Variants in GSDMC observed in about 807,000 individuals in gnomAD.
GSDMC encodes gasdermin-C.
In GSDMC, 59 loss-of-function variants were observed where a neutral mutation model predicts 58.0. The observed-to-expected ratio is 1.02, with a 90% CI of 0.82 to 1.26. The LOEUF (loss-of-function observed/expected upper bound fraction) is 1.26, where lower values mean the gene tolerates loss of function less well. Among genes scored for constraint, GSDMC ranks in the 50% most tolerant of loss-of-function variants. The pLI is 0.00. For missense variants in GSDMC, 659 were observed against 598.5 expected (o/e 1.10, Z -1.06); for synonymous variants, 241 against 220.2 (o/e 1.09, Z -0.83).
At chr8:129,718,559 T>C in the GSDMC span, among the ~76,000 whole-genome samples, 1 of 152,124 alleles carries the variant, frequency 6.6e-6, no homozygotes, top group African/African-American at 2.4e-5. Flanking sequence ...TGTGGAGAAA[T>C]TGTAACGCTT....
intron 5 of GSDMC, 89 bp from the exon 6 acceptor site, chr8:129,760,678 G>A: frequency 3.3e-6 from 2 of 605,356 alleles, no homozygotes; most frequent in South Asian, 2.1e-5. Flanking sequence ...CAAAACCACT[G>A]GGATGCCTGT....
the GSDMC span, among the ~76,000 whole-genome samples, chr8:129,715,311 A>G: frequency 6.6e-6 from 1 of 152,144 alleles, no homozygotes; most frequent in Non-Finnish European, 1.5e-5. Flanking sequence ...AACACTCCAA[A>G]AAATCTGTTT....
At chr8:129,757,594 CA>C (rs141888209) in intron 6 of GSDMC, among the ~76,000 whole-genome samples, 67 of 148,900 alleles carry the variant, frequency 4.5e-4, no homozygotes, top group Non-Finnish European at 8.8e-4. Context: ...TAAGATACAT[CA>C]AAAAAAAAGA....
intron 3 of GSDMC, among the ~76,000 whole-genome samples, chr8:129,771,788 G>A (rs954372714): frequency 1.3e-5 from 2 of 151,990 alleles, no homozygotes; most frequent in Admixed American, 1.3e-4. Context: ...CAACCAGTGG[G>A]TCAAAGAAGA....
intron 1 of GSDMC, among the ~76,000 whole-genome samples, chr8:129,783,924 C>T (rs2034486022): frequency 1.3e-5 from 2 of 152,036 alleles, no homozygotes; most frequent in Admixed American, 6.6e-5. Context: ...ATCGAGAACC[C>T]AGAAACAAAT....
rs557536433 is a variant in GSDMC at position 129,748,264 on chromosome 8, C to A, written c.*237G>T. On this transcript the variant is annotated 3_prime_UTR_variant, in exon 14 of 14. Coordinates refer to ENST00000276708, the MANE Select transcript of GSDMC (RefSeq NM_031415.3). ...CATAGTGAAACGCTTACGTCTTTAA[C>A]ATACTATTTGAGGAGTTTTGACAAA... The A allele has an allele frequency of 2.8e-6, 1 of 361,884 alleles. No homozygotes were observed. Among genetic ancestry groups the A allele is most frequent in the African/African-American group, 2.1e-5 (1 of 47,890 alleles). The allele number at this position is 361,884 out of a possible 1,614,324, so 22.4% of individuals were successfully genotyped here.
In GSDMC at chr8:129,762,848, C is replaced by A. The variant is rs2033720440; in HGVS notation, c.571-117G>T. ...TTCCCTGCTCTCATCCTCCCTACTG[C>A]TGACTTCTGATTTCCAATCACTGCT... On this transcript the variant is annotated intron_variant, in intron 4 of 13. Coordinates refer to ENST00000276708, the MANE Select transcript of GSDMC (RefSeq NM_031415.3). The A allele has an allele frequency of 5.1e-5, 33 of 640,880 alleles. No individual in the cohort carries two copies. In the South Asian group the frequency reaches 6.8e-4, roughly 13 times the overall value. 39.7% of individuals were successfully genotyped at this position (640,880 alleles called of 1,614,324 possible).
chr8:129,775,275 A>T (rs1215052525), intron 3 of GSDMC, among the ~76,000 whole-genome samples: 1 of 152,222 alleles, frequency 6.6e-6, no homozygotes, highest in Non-Finnish European at 1.5e-5. Flanking sequence ...ACATGGATAA[A>T]CCTTGATGGC....
chr8:129,775,446 A>C lies in GSDMC; in HGVS notation c.404+656T>G, dbSNP rs370539215. On this transcript the variant is annotated intron_variant, in intron 3 of 13. Transcript: ENST00000276708. Reference sequence around the variant, plus strand: ...GGCACATTGGTCAAAGGCAACACAGACTATAATTAACAATACTACATTGTG... The same window carrying C: ...GGCACATTGGTCAAAGGCAACACAGCCTATAATTAACAATACTACATTGTG... 4.6e-5 allele frequency among the ~76,000 whole-genome samples: 7 copies of C among 152,328 alleles called. No homozygotes were observed. In the South Asian group the frequency reaches 1.4e-3, roughly 32 times the overall value.
downstream of GSDMC, among the ~76,000 whole-genome samples, chr8:129,747,963 C>A (rs115721990): frequency 6.6e-6 from 1 of 151,942 alleles, no homozygotes; most frequent in African/African-American, 2.4e-5. Flanking sequence ...CACACACACA[C>A]GTGGGGGCTA....
intron 1 of GSDMC, among the ~76,000 whole-genome samples, chr8:129,779,291 A>AG (rs2130569288): frequency 6.6e-6 from 1 of 152,320 alleles, no homozygotes; most frequent in Non-Finnish European, 1.5e-5. Context: ...AAAAAGAACA[A>AG]GATCAAGAAC....
At chr8:129,706,802 A>G in the GSDMC span, among the ~76,000 whole-genome samples, 1 of 152,186 alleles carries the variant, frequency 6.6e-6, no homozygotes, top group African/African-American at 2.4e-5. Flanking sequence ...GGAAAGCCAT[A>G]TTCTCTCTAC....
chr8:129,720,124 T>C, the GSDMC span, among the ~76,000 whole-genome samples: 1 of 152,166 alleles, frequency 6.6e-6, no homozygotes, highest in East Asian at 1.9e-4. Context: ...GTGCTCAAGG[T>C]AGCCAAGCTA....
intron 3 of GSDMC, among the ~76,000 whole-genome samples, 191 bp downstream of exon 3, chr8:129,775,911 T>C (rs2034207955): frequency 6.6e-6 from 1 of 152,202 alleles, no homozygotes; most frequent in Non-Finnish European, 1.5e-5. Context: ...CTAATAAGTA[T>C]TTGTTAGGTA....
chr8:129,767,132 G>A (rs1292366317), intron 3 of GSDMC, among the ~76,000 whole-genome samples: 1 of 152,148 alleles, frequency 6.6e-6, no homozygotes, highest in African/African-American at 2.4e-5. Context: ...TAGCCTCCCT[G>A]TGGAGGTCAG....
chr8:129,728,982 C>A, the GSDMC span: 1 of 667,710 alleles, frequency 1.5e-6, no homozygotes, highest in South Asian at 1.5e-5. Context: ...GCAGGAGCTG[C>A]GGGAGACCAA....
Position 129,752,796 on chromosome 8 carries a change from C to G in GSDMC, c.746G>C (p.Gly249Ala). The G allele has an allele frequency of 1.2e-6, 2 of 1,614,130 alleles. No homozygotes were observed. The highest frequency in any genetic ancestry group is 1.7e-6 in the Non-Finnish European group (2 of 1,180,016). ...QDEYEISEMV[G>A]YCAARSEGLL... ...CCCCTCACTCCTCGCAGCACAGTAG[C>G]CTACCATTTCGGAAATTTCGTACTC... The change falls in exon 7 of 14, where the codon GGC (glycine) becomes GCC (alanine). Residue 249 changes from glycine (G) to alanine (A), a missense_variant. Transcript: ENST00000276708.
At chr8:129,732,755 G>A in the GSDMC span, among the ~76,000 whole-genome samples, 3 of 152,166 alleles carry the variant, frequency 2.0e-5, no homozygotes, top group African/African-American at 4.8e-5. Context: ...TGCAGAAGAC[G>A]GGTGATTTCT....
chr8:129,751,504 AC>A, intron 10 of GSDMC, 37 bp downstream of exon 10: 2 of 1,583,242 alleles, frequency 1.3e-6, no homozygotes, highest in Non-Finnish European at 8.6e-7. Flanking sequence ...TGCAGCTCCC[AC>A]CCAGAAGCCC....
Sources: allele counts gnomAD v4.1 joint callset (sites outside exome capture counted in the v4.1 genomes callset), GRCh38; gene constraint gnomAD v4.1.1; transcripts MANE v1.5; gene names NCBI Gene and HGNC (gene_info 2026-07-23, HGNC 2026-07-21).